The following KCNQ3 variants were observed in gnomAD, a reference collection of about 807,000 sequenced individuals.
The protein encoded by KCNQ3 is potassium voltage-gated channel subfamily Q member 3.
In KCNQ3, 30 loss-of-function variants were observed where a neutral mutation model predicts 92.5. The observed-to-expected ratio is 0.32, with a 90% CI of 0.24 to 0.44. The LOEUF (loss-of-function observed/expected upper bound fraction) is 0.44. Ranked by LOEUF, KCNQ3 falls within the 20% of genes least tolerant of loss-of-function variation. The pLI, the probability that KCNQ3 is intolerant of heterozygous loss-of-function variation, is 1.00. For synonymous variants in KCNQ3, 450 were observed against 468.8 expected, an observed-to-expected ratio of 0.96 and a Z score of 0.52; for missense variants, 913 against 1,140.3, an observed-to-expected ratio of 0.80 and a Z score of 2.87.
chr8:132,324,757 G>A (rs1817991197), intron 1 of KCNQ3, among the ~76,000 whole-genome samples: 1 of 152,174 alleles, frequency 6.6e-6, no homozygotes, highest in African/African-American at 2.4e-5. Context: ...AGGCTAGATA[G>A]TGACTTCCCA....
At chr8:132,281,084 C>A in intron 1 of KCNQ3, among the ~76,000 whole-genome samples, 1 of 152,150 alleles carries the variant, frequency 6.6e-6, no homozygotes, top group East Asian at 1.9e-4. Flanking sequence ...CACCACCTGT[C>A]TTCAGTGGCA....
At chr8:132,256,399 T>C (rs984601559) in intron 1 of KCNQ3, among the ~76,000 whole-genome samples, 1 of 152,090 alleles carries the variant, frequency 6.6e-6, no homozygotes, top group Non-Finnish European at 1.5e-5. Flanking sequence ...CACATGGAAG[T>C]TCCAGAGGGG....
At chr8:132,262,969 G>A (rs1180633143) in intron 1 of KCNQ3, among the ~76,000 whole-genome samples, 6 of 152,114 alleles carry the variant, frequency 3.9e-5, no homozygotes, top group Non-Finnish European at 7.4e-5. Flanking sequence ...TCAGTCAAGG[G>A]ACCTGAAGCT....
chr8:132,215,992 T>C (rs1814018363), intron 1 of KCNQ3, among the ~76,000 whole-genome samples: 1 of 152,192 alleles, frequency 6.6e-6, no homozygotes, highest in African/African-American at 2.4e-5. Flanking sequence ...TGAGAGTCTA[T>C]GATTATCAGT....
chr8:132,216,290 T>C (rs893589985), intron 1 of KCNQ3, among the ~76,000 whole-genome samples: 3 of 152,242 alleles, frequency 2.0e-5, no homozygotes, highest in African/African-American at 7.2e-5. Context: ...ATGTGCTACA[T>C]GCGCAAGTGT....
rs555787298 is a variant in KCNQ3 at position 132,266,726 on chromosome 8, C to A, written c.387-80545G>T. 2.4e-4 allele frequency among the ~76,000 whole-genome samples: 36 copies of A among 152,268 alleles called. No homozygotes were observed. The South Asian group carries it at 7.5e-3, about 32-fold the overall frequency. On this transcript the variant is annotated intron_variant, in intron 1 of 14. Transcript: ENST00000388996. ...ATGTGAAAGCCCAGATTTCTGGAAC[C>A]CACTCCAGACTTTCTGATTCAGCAG...
chr8:132,439,710 G>T (rs112689787), intron 1 of KCNQ3, among the ~76,000 whole-genome samples: 1,559 of 152,220 alleles, frequency 0.01, 34 homozygotes, highest in African/African-American at 0.035. Context: ...GCTGAGGAAT[G>T]CAGGTAGCCT....
intron 1 of KCNQ3, among the ~76,000 whole-genome samples, chr8:132,307,488 T>G (rs191398482): frequency 6.6e-6 from 1 of 152,362 alleles, no homozygotes; most frequent in East Asian, 1.9e-4. Flanking sequence ...ACTTGCTGTG[T>G]GTGACTTAGG....
intron 1 of KCNQ3, among the ~76,000 whole-genome samples, chr8:132,437,359 C>T (rs1287582625): frequency 6.6e-6 from 1 of 151,986 alleles, no homozygotes; most frequent in Non-Finnish European, 1.5e-5. Flanking sequence ...GGTTTTAGTT[C>T]TGGCATCCAC....
chr8:132,214,779 G>T (rs1563808065), intron 1 of KCNQ3, among the ~76,000 whole-genome samples: 1 of 152,262 alleles, frequency 6.6e-6, no homozygotes, highest in Non-Finnish European at 1.5e-5. Flanking sequence ...CACAGGTGAG[G>T]AGACTTAGAC....
At position 132,305,889 on chromosome 8, in the gene KCNQ3, G is replaced by GTTTGTTTTGT. The variant is rs60363191; in HGVS notation, c.387-119718_387-119709dup. 6.1e-4 allele frequency among the ~76,000 whole-genome samples: 91 copies of GTTTGTTTTGT among 150,360 alleles called. 1 individual carries two copies. Among genetic ancestry groups the GTTTGTTTTGT allele is most frequent in the South Asian group, 2.5e-3 (12 of 4,730 alleles). ...TTTGGGGGGTTTTTTGTTTGTTTTT[G>GTTTGTTTTGT]TTTGTTTTGTTTTGTTTTGTTTTAA... On this transcript the variant is annotated intron_variant, in intron 1 of 14. Transcript: ENST00000388996.
At chr8:132,400,293 C>T (rs1414191242) in intron 1 of KCNQ3, among the ~76,000 whole-genome samples, 1 of 152,232 alleles carries the variant, frequency 6.6e-6, no homozygotes, top group Non-Finnish European at 1.5e-5. Context: ...TGACACAGAG[C>T]TGGGTTCATG....
chr8:132,458,139 C>T (rs1821984528), intron 1 of KCNQ3, among the ~76,000 whole-genome samples: 1 of 152,210 alleles, frequency 6.6e-6, no homozygotes, highest in Admixed American at 6.5e-5. Flanking sequence ...CTTTTCACCC[C>T]ATAAGCCACC....
chr8:132,441,113 C>A (rs1047805947), intron 1 of KCNQ3, among the ~76,000 whole-genome samples: 1 of 152,212 alleles, frequency 6.6e-6, no homozygotes, highest in Non-Finnish European at 1.5e-5. Context: ...TCAAGACTGG[C>A]AGCAATGGTG....
rs554545434 is a variant in KCNQ3, at chr8:132,220,962, C to T, written c.387-34781G>A. Among the ~76,000 whole-genome samples the T allele has an allele frequency of 5.3e-5, 8 of 152,164 alleles. No individual in the cohort carries two copies. In the South Asian group the frequency reaches 6.2e-4, roughly 12 times the overall value. The stretch of plus-strand genomic sequence containing the variant: ...GGTATTTCTTCTAATGTGATCCCTC[C>T]CCCTGCTCTCCACCCCATGACAGGC... On this transcript the variant is annotated intron_variant, in intron 1 of 14. Transcript: ENST00000388996.
At chr8:132,301,716 A>C (rs1041257828) in intron 1 of KCNQ3, among the ~76,000 whole-genome samples, 1 of 152,012 alleles carries the variant, frequency 6.6e-6, no homozygotes, top group Non-Finnish European at 1.5e-5. Context: ...GGGTGCTGCC[A>C]CTCACTGAGA....
chr8:132,476,859 T>C (rs1214274298), intron 1 of KCNQ3, among the ~76,000 whole-genome samples: 1 of 152,176 alleles, frequency 6.6e-6, no homozygotes, highest in Non-Finnish European at 1.5e-5. Context: ...CAGAATGATA[T>C]GTTTTCGCTC....
At chr8:132,225,525 T>G (rs1814383543) in intron 1 of KCNQ3, among the ~76,000 whole-genome samples, 1 of 152,190 alleles carries the variant, frequency 6.6e-6, no homozygotes, top group South Asian at 2.1e-4. Context: ...ATATGAAAGA[T>G]TTTTATCCTA....
Position 132,400,904 on chromosome 8 carries a change from G to A in KCNQ3, c.386+79243C>T, listed in dbSNP as rs558859315. 2.1e-4 allele frequency among the ~76,000 whole-genome samples: 32 copies of A among 152,282 alleles called. No individual in the cohort carries two copies. The South Asian group carries it at 3.9e-3, about 19-fold the overall frequency. The stretch of plus-strand genomic sequence containing the variant: ...TGAAAGGCAGGTAGCATTGTTGGTC[G>A]CACATCTGCCCAGAGGGAGCCTGTC... On this transcript the variant is annotated intron_variant, in intron 1 of 14. Transcript: ENST00000388996.
Sources: allele counts gnomAD v4.1 joint callset (sites outside exome capture counted in the v4.1 genomes callset), GRCh38; gene constraint gnomAD v4.1.1; transcripts MANE v1.5; gene names NCBI Gene and HGNC (gene_info 2026-07-23, HGNC 2026-07-21).